The following ZFYVE1 variants were observed in gnomAD, a reference collection of about 807,000 sequenced individuals.
The protein encoded by ZFYVE1 is zinc finger FYVE domain-containing protein 1.
ZFYVE1 carries 30 observed loss-of-function variants against 74.4 expected under a neutral mutation model. That is an observed-to-expected ratio of 0.40 (90% CI 0.30 to 0.55). The LOEUF is 0.55. Among genes scored for constraint, ZFYVE1 ranks in the 20% least tolerant of loss-of-function variants. The pLI is 0.42. For synonymous variants in ZFYVE1, 335 were observed against 385.1 expected (o/e 0.87, Z 1.52); for missense variants, 703 against 1,011.6 (o/e 0.69, Z 4.14).
chr14:73,002,233 G>A (rs1052547678), intron 2 of ZFYVE1, among the ~76,000 whole-genome samples: 2 of 150,038 alleles, frequency 1.3e-5, no homozygotes, highest in African/African-American at 4.9e-5. Context: ...CAGATTCATA[G>A]ACAGCAAGTA....
intron 2 of ZFYVE1, among the ~76,000 whole-genome samples, chr14:73,021,509 C>T (rs1283317324): frequency 6.6e-6 from 1 of 152,210 alleles, no homozygotes; most frequent in Non-Finnish European, 1.5e-5. Flanking sequence ...CACAATCTAG[C>T]TGAATTTATA....
rs1894481392 is a variant in ZFYVE1, at chr14:73,027,102, G to A, written c.-611C>T. 1 of 398,826 alleles carries A rather than the reference G, an allele frequency of 2.5e-6. No individual in the cohort carries two copies. The highest frequency in any genetic ancestry group is 4.4e-6 in the Non-Finnish European group (1 of 226,206). 24.7% of individuals were successfully genotyped at this position (398,826 alleles called of 1,614,324 possible). A position where few individuals can be genotyped will look rare whatever the true frequency, so the allele number is the denominator to read the frequency against. ...TGTTGTCAGTTGGGATCAGCTGATC[G>A]GAGTGAACTTCTCCCAGCTCGGACT... On this transcript the variant is annotated 5_prime_UTR_variant, in exon 1 of 12. Coordinates refer to ENST00000556143, the MANE Select transcript of ZFYVE1 (RefSeq NM_021260.4).
chr14:73,010,176 G>C (rs1894058926), intron 2 of ZFYVE1, among the ~76,000 whole-genome samples: 1 of 152,154 alleles, frequency 6.6e-6, no homozygotes, highest in African/African-American at 2.4e-5. Flanking sequence ...GAATTAAAAA[G>C]AAACCTAGGC....
intron 3 of ZFYVE1, among the ~76,000 whole-genome samples, chr14:72,997,156 C>T (rs186881272): frequency 1.1e-3 from 170 of 152,312 alleles, no homozygotes; most frequent in Non-Finnish European, 2.1e-3. Flanking sequence ...ATGCATCACT[C>T]CAACTGTTCC....
intron 4 of ZFYVE1, among the ~76,000 whole-genome samples, chr14:72,989,296 C>T (rs1893555044): frequency 6.6e-6 from 1 of 152,086 alleles, no homozygotes; most frequent in Non-Finnish European, 1.5e-5. Context: ...TAGAAAAGGA[C>T]ACTAGGCAGG....
chr14:73,005,997 C>T (rs1236404463), intron 2 of ZFYVE1, among the ~76,000 whole-genome samples: 1 of 151,964 alleles, frequency 6.6e-6, no homozygotes, highest in Non-Finnish European at 1.5e-5. Context: ...TCTCAGCTCA[C>T]TGCAAGTTCC....
At chr14:72,972,534 C>A (rs748892554) in intron 11 of ZFYVE1, among the ~76,000 whole-genome samples, 5 of 152,160 alleles carry the variant, frequency 3.3e-5, no homozygotes, top group African/African-American at 4.8e-5. Flanking sequence ...CTGCTCCAGG[C>A]CATTTTCATC....
Position 72,992,615 on chromosome 14 carries a change from G to GCCCCCC in ZFYVE1, c.1203+522_1203+527dup, listed in dbSNP as rs555003383. ...CTCTGGGGGGAGGTCCCATTCAGGT[G>GCCCCCC]CCCCCCCCGCCCCTTGCAAGAGAGA... On this transcript the variant is annotated intron_variant, in intron 4 of 11. Coordinates refer to ENST00000556143, the MANE Select transcript of ZFYVE1 (RefSeq NM_021260.4). Among the ~76,000 whole-genome samples the GCCCCCC allele has an allele frequency of 6.1e-4, 66 of 109,058 alleles. 13 individuals carry two copies. The highest frequency in any genetic ancestry group is 1.4e-3 in the African/African-American group (32 of 23,232). The allele number at this position is 109,058 out of a possible 152,430, so 71.5% of individuals were successfully genotyped here. A position where few individuals can be genotyped will look rare whatever the true frequency, so the allele number is the denominator to read the frequency against.
At chr14:72,981,972 T>A in intron 4 of ZFYVE1, 77 bp from the exon 5 acceptor site, 1 of 1,226,464 alleles carries the variant, frequency 8.2e-7, no homozygotes, top group Non-Finnish European at 1.2e-6. Context: ...GCAGGCACCG[T>A]ACAAGCAACA....
At chr14:72,994,473 T>G (rs1246679184) in intron 3 of ZFYVE1, among the ~76,000 whole-genome samples, 1 of 152,084 alleles carries the variant, frequency 6.6e-6, no homozygotes, top group African/African-American at 2.4e-5. Flanking sequence ...GGAGGGCTGG[T>G]GTCCTATGGT....
intron 4 of ZFYVE1, among the ~76,000 whole-genome samples, chr14:72,983,415 T>C (rs1893394242): frequency 7.0e-6 from 1 of 141,846 alleles, no homozygotes; most frequent in South Asian, 2.3e-4. Context: ...AGTGTTCTCA[T>C]TGTTCAATTC....
intron 2 of ZFYVE1, among the ~76,000 whole-genome samples, chr14:73,023,579 T>C (rs1463761787): frequency 6.6e-6 from 1 of 150,842 alleles, no homozygotes; most frequent in East Asian, 1.9e-4. Context: ...GGACCCACTG[T>C]TAGTGTGTGT....
In ZFYVE1 at chr14:73,024,397, A is replaced by T; in HGVS notation, c.112T>A (p.Cys38Ser). The T allele has an allele frequency of 5.6e-6, 9 of 1,614,178 alleles. No individual in the cohort carries two copies. Among genetic ancestry groups the T allele is most frequent in the Non-Finnish European group, 7.6e-6 (9 of 1,180,036 alleles). ...TCGCAGCGGAGACACTGCAGACTGC[A>T]GCACTCATCACACTCAAAGATAGCT... ...DEAIFECDECCSLQCLRCEEE... is the reference protein window; with the variant it reads ...DEAIFECDECSSLQCLRCEEE... The change falls in exon 2 of 12, where the codon TGC becomes AGC. Residue 38 changes from cysteine (C) to serine (S), a missense_variant. By Grantham distance (112) the Cys-to-Ser change is moderately radical. This residue lies in a region of ZFYVE1 where 211 missense variants were observed against 221.7 expected (regional missense o/e 0.95). Transcript: ENST00000556143.
chr14:72,999,572 CA>C lies in ZFYVE1; in HGVS notation c.484-1258del, dbSNP rs35637914. ...TGGATGACAAAGTAAGACCTTGACT[CA>C]AAAAAAAAAAAGACAATGAAAAGAC... On this transcript the variant is annotated intron_variant, in intron 2 of 11. Coordinates refer to ENST00000556143, the MANE Select transcript of ZFYVE1 (RefSeq NM_021260.4). 4.8e-3 allele frequency among the ~76,000 whole-genome samples: 641 copies of C among 133,018 alleles called. 12 individuals are homozygous for C. In the East Asian group the frequency reaches 0.075, roughly 16 times the overall value. 87.3% of individuals were successfully genotyped at this position (133,018 alleles called of 152,430 possible).
At chr14:72,984,812 T>C (rs1893434781) in intron 4 of ZFYVE1, among the ~76,000 whole-genome samples, 2 of 152,222 alleles carry the variant, frequency 1.3e-5, no homozygotes, top group African/African-American at 4.8e-5. Flanking sequence ...AATTAGGCAA[T>C]GATGCAAAGC....
chr14:73,014,556 T>C (rs574235635), intron 2 of ZFYVE1, among the ~76,000 whole-genome samples: 1 of 152,376 alleles, frequency 6.6e-6, no homozygotes, highest in East Asian at 1.9e-4. Flanking sequence ...GTTATATTTA[T>C]ATGACACCTA....
At chr14:72,999,758 C>T (rs1185847682) in intron 2 of ZFYVE1, among the ~76,000 whole-genome samples, 1 of 152,146 alleles carries the variant, frequency 6.6e-6, no homozygotes, top group Non-Finnish European at 1.5e-5. Context: ...TGTCATCCGC[C>T]TCATTAAAAT....
At chr14:72,979,766 G>A (rs1160147241) in intron 5 of ZFYVE1, among the ~76,000 whole-genome samples, 2 of 151,824 alleles carry the variant, frequency 1.3e-5, no homozygotes, top group Non-Finnish European at 2.9e-5. Flanking sequence ...AAACCTGAAC[G>A]TCTCTCAGAA....
chr14:72,998,845 T>C (rs1251539949), intron 2 of ZFYVE1, among the ~76,000 whole-genome samples: 2 of 146,402 alleles, frequency 1.4e-5, no homozygotes, highest in Non-Finnish European at 3.0e-5. Flanking sequence ...AATGAGACCC[T>C]GCCTCAAAAA....
Sources: allele counts gnomAD v4.1 joint callset (sites outside exome capture counted in the v4.1 genomes callset), GRCh38; gene constraint gnomAD v4.1.1; regional missense constraint gnomAD v4.1.1; transcripts MANE v1.5; gene names NCBI Gene and HGNC (gene_info 2026-07-23, HGNC 2026-07-21).